Variants in PCDHA3 observed in about 807,000 individuals in gnomAD.
The protein encoded by PCDHA3 is protocadherin alpha-3.
PCDHA3 carries 41 observed loss-of-function variants against 62.2 expected under a neutral mutation model. The ratio of observed to expected loss-of-function variants is 0.66; its 90% CI spans 0.51 to 0.86. PCDHA3 has a LOEUF of 0.86. Among genes scored for constraint, PCDHA3 ranks in the 40% least tolerant of loss-of-function variants. The probability of loss-of-function intolerance (pLI) is 0.00; values close to 1 mark genes in which losing one functional copy is unlikely to be tolerated. For missense variants in PCDHA3, 1,304 were observed against 1,241.2 expected, an observed-to-expected ratio of 1.05 and a Z score of -0.76; for synonymous variants, 640 against 555.4, an observed-to-expected ratio of 1.15 and a Z score of -2.14.
rs2150156019 is a variant in PCDHA3 at position 140,828,493 on chromosome 5, G to A, written c.2394+24902G>A. 45 of 1,614,112 alleles carry A rather than the reference G, an allele frequency of 2.8e-5. No individual in the cohort carries two copies. In the Middle Eastern group the frequency reaches 8.2e-4, roughly 29 times the overall value. ...TTAACGACAACCCGCCCTTGTTCCC[G>A]GTAGAGGAACAAAGAGTGCTGATTT... On this transcript the variant is annotated intron_variant, in intron 1 of 3. Transcript: ENST00000522353.
chr5:140,951,922 T>C (rs191831107), intron 1 of PCDHA3, among the ~76,000 whole-genome samples: 135 of 152,266 alleles, frequency 8.9e-4, no homozygotes, highest in Non-Finnish European at 1.0e-3. Flanking sequence ...AACAAGTTAG[T>C]TACTCCCAAG....
intron 1 of PCDHA3, chr5:140,828,741 G>A (rs201515728): frequency 8.7e-6 from 14 of 1,614,102 alleles, no homozygotes; most frequent in African/African-American, 1.3e-5. Context: ...GCCACAGATG[G>A]GGGCAAACCT....
In PCDHA3 at chr5:140,993,861, T is replaced by G. The variant is rs143253452; in HGVS notation, c.2542+11298T>G. 3.2e-4 allele frequency among the ~76,000 whole-genome samples: 49 copies of G among 152,356 alleles called. No homozygotes were observed. In the East Asian group the frequency reaches 9.4e-3, roughly 29 times the overall value. On this transcript the variant is annotated intron_variant, in intron 3 of 3. Transcript: ENST00000522353. ...TAGGTATGTAGTAGGCTATGCCATC[T>G]AGGTTTGTGTAAGTACGCTCTATGA... is the stretch of plus-strand genomic sequence containing the variant.
chr5:140,899,197 A>G (rs1300452676), intron 1 of PCDHA3, among the ~76,000 whole-genome samples: 2 of 152,018 alleles, frequency 1.3e-5, no homozygotes, highest in Admixed American at 6.6e-5. Context: ...TCTCCTGCCT[A>G]ATTGCCCTGG....
At chr5:140,830,418 T>C in intron 1 of PCDHA3, 3 of 1,614,030 alleles carry the variant, frequency 1.9e-6, no homozygotes, top group Non-Finnish European at 2.5e-6. Flanking sequence ...AGCCCCAGCC[T>C]TTCACCTTGT....
rs1777904033 is a variant in PCDHA3, at chr5:140,842,379, C to G, written c.2394+38788C>G. 1.9e-6 allele frequency: 3 copies of G among 1,609,878 alleles called. No individual in the cohort carries two copies. In the Admixed American group the frequency reaches 5.0e-5, roughly 27 times the overall value. On this transcript the variant is annotated intron_variant, in intron 1 of 3. Coordinates refer to ENST00000522353, the MANE Select transcript of PCDHA3 (RefSeq NM_018906.3). Reference sequence around the variant, plus strand: ...GATAACGTCCCTGAGATAGCACTGACTTCCTTATCCTTGCCTGTACGTGAA... The same window carrying G: ...GATAACGTCCCTGAGATAGCACTGAGTTCCTTATCCTTGCCTGTACGTGAA...
chr5:140,817,968 T>C (rs2150099718), intron 1 of PCDHA3, among the ~76,000 whole-genome samples: 7 of 152,340 alleles, frequency 4.6e-5, no homozygotes, highest in Non-Finnish European at 8.8e-5. Context: ...GTGTCTTTTT[T>C]TCTGTCTAGC....
chr5:140,836,311 C>G, intron 1 of PCDHA3: 1 of 1,613,662 alleles, frequency 6.2e-7, no homozygotes, highest in Non-Finnish European at 8.5e-7. Context: ...ACGGACGCAC[C>G]GCGCCACCGC....
At chr5:140,843,447 G>A (rs373780721) in intron 1 of PCDHA3, 12 of 1,596,056 alleles carry the variant, frequency 7.5e-6, no homozygotes, top group Non-Finnish European at 1.0e-5. Flanking sequence ...GCGGTATCCA[G>A]CCTGCTGGTG....
chr5:140,908,308 G>A (rs1011025623), intron 1 of PCDHA3, among the ~76,000 whole-genome samples: 19 of 152,170 alleles, frequency 1.2e-4, no homozygotes, highest in African/African-American at 4.6e-4. Context: ...AAGGAAGGGC[G>A]GCAGGAGTGG....
chr5:140,898,153 G>C (rs1379342887), intron 1 of PCDHA3, among the ~76,000 whole-genome samples: 3 of 152,182 alleles, frequency 2.0e-5, no homozygotes, highest in South Asian at 2.1e-4. Context: ...TGTTCACGCT[G>C]ATGGTGGTTT....
intron 1 of PCDHA3, among the ~76,000 whole-genome samples, chr5:140,874,462 A>G (rs1471984599): frequency 7.2e-5 from 11 of 152,228 alleles, no homozygotes; most frequent in African/African-American, 2.7e-4. Flanking sequence ...CTGTAGGGGA[A>G]GATTTAGAGA....
intron 1 of PCDHA3, among the ~76,000 whole-genome samples, chr5:140,913,656 T>A (rs2076420236): frequency 6.6e-6 from 1 of 152,152 alleles, no homozygotes; most frequent in African/African-American, 2.4e-5. Context: ...TTCTTTAAGA[T>A]GTATAGTTAG....
At chr5:140,964,844 A>G (rs2095857701) in intron 1 of PCDHA3, among the ~76,000 whole-genome samples, 1 of 152,160 alleles carries the variant, frequency 6.6e-6, no homozygotes, top group Admixed American at 6.5e-5. Flanking sequence ...CCTACTCTGT[A>G]CCCTTGAGGA....
chr5:140,808,975 G>C, intron 1 of PCDHA3: 1 of 1,613,626 alleles, frequency 6.2e-7, no homozygotes, highest in Non-Finnish European at 8.5e-7. Flanking sequence ...AGGTGCGCGC[G>C]GTGGATGCTG....
intron 1 of PCDHA3, chr5:140,884,056 G>C (rs782776341): frequency 6.2e-7 from 1 of 1,613,476 alleles, no homozygotes; most frequent in African/African-American, 1.3e-5. Context: ...AGGTGCGCGC[G>C]GTGGACGCCG....
intron 1 of PCDHA3, chr5:140,848,806 T>G (rs2150421063): frequency 1.3e-6 from 2 of 1,591,932 alleles, no homozygotes; most frequent in African/African-American, 2.7e-5. Flanking sequence ...GAGTGCAGCA[T>G]CCACCTGGAG....
intron 1 of PCDHA3, chr5:140,841,973 G>T (rs2150326625): frequency 4.8e-5 from 77 of 1,613,744 alleles, no homozygotes; most frequent in Non-Finnish European, 6.3e-5. Flanking sequence ...CACAGATGGG[G>T]GCAAACCTGA....
chr5:140,990,205 G>T (rs2097380865), intron 3 of PCDHA3, among the ~76,000 whole-genome samples: 1 of 152,116 alleles, frequency 6.6e-6, no homozygotes, highest in Non-Finnish European at 1.5e-5. Context: ...ACCCGAAAGA[G>T]AACAAAGAGA....
Sources: gnomAD v4.1 joint callset for allele counts (sites outside exome capture counted in the v4.1 genomes callset) on GRCh38, gnomAD v4.1.1 for gene constraint, MANE v1.5 for transcripts, NCBI Gene and HGNC (gene_info 2026-07-23, HGNC 2026-07-21) for gene names.